Variants in TSPAN16 observed in about 807,000 individuals in gnomAD.
TSPAN16 encodes tetraspanin 16.
Under a neutral mutation model 25.2 loss-of-function variants are expected in TSPAN16, and 23 were observed. That is an observed-to-expected ratio of 0.91 (90% CI 0.66 to 1.29). The LOEUF (loss-of-function observed/expected upper bound fraction) is 1.29, where lower values mean the gene tolerates loss of function less well. Among genes scored for constraint, TSPAN16 ranks in the 50% most tolerant of loss-of-function variants. The pLI is 0.00. For synonymous variants in TSPAN16, 123 were observed against 124.4 expected (o/e 0.99, Z 0.08); for missense variants, 272 against 299.9 (o/e 0.91, Z 0.69).
At chr19:11,300,455 G>C (rs905464556) in intron 3 of TSPAN16, among the ~76,000 whole-genome samples, 1 of 152,180 alleles carries the variant, frequency 6.6e-6, no homozygotes, top group African/African-American at 2.4e-5. Flanking sequence ...CTCACTTGCT[G>C]GCACTAGGGA....
chr19:11,298,434 TA>T (rs750487664), intron 2 of TSPAN16, 95 bp downstream of exon 2: 11 of 1,188,492 alleles, frequency 9.3e-6, no homozygotes, highest in Admixed American at 5.4e-5. Flanking sequence ...TGGTGTCACC[TA>T]TTTTTTTTTT....
Position 11,302,642 on chromosome 19 carries a change from C to G in TSPAN16, c.450+1334C>G, listed in dbSNP as rs184579888. ...ATATAAATATATATATACACACATA[C>G]ATATATATATACACATACATATATA... On this transcript the variant is annotated intron_variant, in intron 4 of 6. Transcript: ENST00000590327. Among the ~76,000 whole-genome samples the G allele has an allele frequency of 2.9e-3, 382 of 130,546 alleles. 4 individuals are homozygous for G. Among genetic ancestry groups the G allele is most frequent in the African/African-American group, 0.011 (354 of 31,084 alleles). 85.6% of individuals were successfully genotyped at this position (130,546 alleles called of 152,430 possible).
chr19:11,305,347 T>C (rs1454279994), intron 4 of TSPAN16, among the ~76,000 whole-genome samples: 1 of 151,618 alleles, frequency 6.6e-6, no homozygotes, highest in East Asian at 1.9e-4. Flanking sequence ...CTGGCCAACA[T>C]AGCGAAACCC....
chr19:11,326,817 G>A (rs1330580057), exon 7 of TSPAN16: 28 of 684,552 alleles, frequency 4.1e-5, no homozygotes, highest in East Asian at 2.8e-4. Context: ...GCTATGTTGC[G>A]CAGGCTGGTC....
intron 4 of TSPAN16, among the ~76,000 whole-genome samples, chr19:11,302,665 A>ATATATGTG (rs1555703592): frequency 8.1e-5 from 9 of 111,428 alleles, no homozygotes; most frequent in African/African-American, 2.1e-4. Flanking sequence ...ACATACATAT[A>ATATATGTG]TATATATATA....
chr19:11,322,505 G>C (rs2080785842), intron 6 of TSPAN16: 1 of 152,160 alleles, frequency 6.6e-6, no homozygotes, highest in Non-Finnish European at 1.5e-5. Context: ...TGGAGCTGGA[G>C]AGGGGTTTTC....
intron 5 of TSPAN16, among the ~76,000 whole-genome samples, chr19:11,308,934 G>C (rs1301915228): frequency 6.6e-6 from 1 of 152,144 alleles, no homozygotes; most frequent in Admixed American, 6.6e-5. Context: ...TATTAGCTGA[G>C]TGTGGTGACA....
chr19:11,297,134 G>A (rs960785736), intron 1 of TSPAN16, among the ~76,000 whole-genome samples: 1 of 152,076 alleles, frequency 6.6e-6, no homozygotes, highest in Non-Finnish European at 1.5e-5. Context: ...AGAAGGAAAT[G>A]AAATATCACT....
At chr19:11,305,279 C>T (rs970493035) in intron 4 of TSPAN16, among the ~76,000 whole-genome samples, 58 of 152,184 alleles carry the variant, frequency 3.8e-4, no homozygotes, top group African/African-American at 1.4e-3. Context: ...CCTGCAATTC[C>T]AGCACTTTGG....
At chr19:11,316,965 C>T (rs1019663782), downstream of TSPAN16, among the ~76,000 whole-genome samples, 1 of 150,764 alleles carries the variant, frequency 6.6e-6, no homozygotes, top group Non-Finnish European at 1.5e-5. Flanking sequence ...CGCCTGCCAC[C>T]ACGCCTGGCT....
chr19:11,296,612 G>A lies in TSPAN16; in HGVS notation c.69+246G>A, dbSNP rs143845761. Among the ~76,000 whole-genome samples, 111 of 152,348 alleles carry A rather than the reference G, an allele frequency of 7.3e-4. 1 individual carries two copies. The highest frequency in any genetic ancestry group is 1.6e-3 in the African/African-American group (67 of 41,586). Reference sequence around the variant, plus strand: ...GGGAGCCCAGGTGGGTGATGGAAGAGCTTGGCTCTAAGTCAAATCCTGTAG... The same window carrying A: ...GGGAGCCCAGGTGGGTGATGGAAGAACTTGGCTCTAAGTCAAATCCTGTAG... On this transcript the variant is annotated intron_variant, in intron 1 of 6. Transcript: ENST00000590327.
intron 3 of TSPAN16, among the ~76,000 whole-genome samples, chr19:11,299,921 G>C (rs1415422385): frequency 1.3e-5 from 2 of 150,968 alleles, no homozygotes; most frequent in Non-Finnish European, 2.9e-5. Context: ...AGGTTGCAGT[G>C]AGCTGAGATT....
intron 1 of TSPAN16, among the ~76,000 whole-genome samples, chr19:11,297,285 T>C (rs905067100): frequency 2.0e-5 from 3 of 152,066 alleles, no homozygotes; most frequent in Non-Finnish European, 4.4e-5. Context: ...GAGATCCCCA[T>C]CTCTATTTAA....
At position 11,302,195 on chromosome 19, in the gene TSPAN16, C is replaced by G. The variant is rs963233185; in HGVS notation, c.450+887C>G. On this transcript the variant is annotated intron_variant, in intron 4 of 6. Transcript: ENST00000590327. The stretch of plus-strand genomic sequence containing the variant: ...TCGCATTGTTGTGCGACCATCACCA[C>G]CATCTCTAGAACTTCCTTATCTTCC... Among the ~76,000 whole-genome samples, 3 of 152,066 alleles carry G rather than the reference C, an allele frequency of 2.0e-5. No individual in the cohort carries two copies. In the East Asian group the frequency reaches 5.8e-4, roughly 29 times the overall value.
At chr19:11,299,465 C>T (rs414852) in intron 3 of TSPAN16, among the ~76,000 whole-genome samples, 62,537 of 151,852 alleles carry the variant, frequency 0.41, 14,780 homozygotes, top group African/African-American at 0.66. Context: ...TTAGTTCATC[C>T]CTCTTGGGTT....
At chr19:11,314,974 G>T (rs774826828) in intron 6 of TSPAN16, among the ~76,000 whole-genome samples, 107 of 152,124 alleles carry the variant, frequency 7.0e-4, no homozygotes, top group Non-Finnish European at 3.8e-4. Context: ...GGTAGTTCAC[G>T]CCTGTAATCC....
At chr19:11,317,771 T>C (rs10409450), downstream of TSPAN16, among the ~76,000 whole-genome samples, 1 of 149,744 alleles carries the variant, frequency 6.7e-6, no homozygotes, top group African/African-American at 2.5e-5. Flanking sequence ...TGCAGTGAGC[T>C]GAGATCATGT....
At position 11,302,663 on chromosome 19, in the gene TSPAN16, A is replaced by ATATATATATGTG. The variant is rs377152607; in HGVS notation, c.450+1364_450+1365insGTGTATATATAT. On this transcript the variant is annotated intron_variant, in intron 4 of 6. Transcript: ENST00000590327. ...CATACATATATATATACACATACAT[A>ATATATATATGTG]TATATATATATATATACACACACAC... Among the ~76,000 whole-genome samples, 352 of 105,726 alleles carry ATATATATATGTG rather than the reference A, an allele frequency of 3.3e-3. 2 individuals are homozygous for ATATATATATGTG. The highest frequency in any genetic ancestry group is 6.3e-3 in the South Asian group (24 of 3,840). 69.4% of individuals were successfully genotyped at this position (105,726 alleles called of 152,430 possible). A position where few individuals can be genotyped will look rare whatever the true frequency, so the allele number is the denominator to read the frequency against.
In TSPAN16 at chr19:11,326,873, G is replaced by A. The variant is rs762649435; in HGVS notation, c.*29G>A. On this transcript the variant is annotated 3_prime_UTR_variant, in exon 7 of 7. Coordinates refer to the TSPAN16 transcript ENST00000316737. ...GATCCCCCCGCCTAGGCCTCCCAAA[G>A]TGCTGGGTTTACCAGCGTGAGCCAC... 11 of 609,628 alleles carry A rather than the reference G, an allele frequency of 1.8e-5. No individual in the cohort carries two copies. In the African/African-American group the frequency reaches 2.1e-4, roughly 11 times the overall value. 37.8% of individuals were successfully genotyped at this position (609,628 alleles called of 1,614,324 possible).
Sources: gnomAD v4.1 joint callset for allele counts (sites outside exome capture counted in the v4.1 genomes callset) on GRCh38, gnomAD v4.1.1 for gene constraint, MANE v1.5 for transcripts, NCBI Gene and HGNC (gene_info 2026-07-23, HGNC 2026-07-21) for gene names.